Variants in LDLRAD3 observed in about 807,000 individuals in gnomAD.
LDLRAD3 encodes the protein low-density lipoprotein receptor class A domain-containing protein 3.
Under a neutral mutation model 29.4 loss-of-function variants are expected in LDLRAD3, and 20 were observed. The observed-to-expected ratio is 0.68, with a 90% confidence interval of 0.48 to 0.99. LDLRAD3 has a LOEUF of 0.99. Among genes scored for constraint, LDLRAD3 ranks in the 50% least tolerant of loss-of-function variants. The probability of loss-of-function intolerance (pLI) is 0.00; values close to 1 mark genes in which losing one functional copy is unlikely to be tolerated. For missense variants in LDLRAD3, 420 were observed against 454.3 expected (o/e 0.92, Z 0.69); for synonymous variants, 157 against 192.7 (o/e 0.81, Z 1.53).
At chr11:36,189,651 C>T (rs1040853831) in intron 4 of LDLRAD3, among the ~76,000 whole-genome samples, 1 of 151,940 alleles carries the variant, frequency 6.6e-6, no homozygotes, top group African/African-American at 2.4e-5. Flanking sequence ...CATATGTATA[C>T]ATGTGCCATG....
intron 1 of LDLRAD3, among the ~76,000 whole-genome samples, chr11:36,012,896 GA>G (rs1410927650): frequency 6.6e-6 from 1 of 152,138 alleles, no homozygotes; most frequent in East Asian, 1.9e-4. Flanking sequence ...AAGTTGAAAA[GA>G]AAAAAGTCAG....
chr11:36,167,080 T>A (rs1854526380), intron 4 of LDLRAD3, among the ~76,000 whole-genome samples: 1 of 152,198 alleles, frequency 6.6e-6, no homozygotes, highest in Non-Finnish European at 1.5e-5. Flanking sequence ...AGAATGATAT[T>A]AATTTATTTT....
Position 36,222,984 on chromosome 11 carries a change from G to T in LDLRAD3, c.455-4101G>T, listed in dbSNP as rs890339505. Among the ~76,000 whole-genome samples the T allele has an allele frequency of 2.6e-5, 4 of 152,156 alleles. No individual in the cohort carries two copies. The East Asian group carries it at 7.7e-4, about 29-fold the overall frequency. ...CAGTGGAGCACAAGGGCATTAGCTT[G>T]AGGGACAGCCAGAATAAATGGAAAC... On this transcript the variant is annotated intron_variant, in intron 4 of 5. Coordinates refer to ENST00000315571, the MANE Select transcript of LDLRAD3 (RefSeq NM_174902.4).
intron 4 of LDLRAD3, among the ~76,000 whole-genome samples, chr11:36,127,079 A>G (rs747381053): frequency 2.6e-5 from 4 of 151,898 alleles, no homozygotes; most frequent in Non-Finnish European, 4.4e-5. Flanking sequence ...GTGTTTTGAA[A>G]GAAAGACACG....
intron 4 of LDLRAD3, among the ~76,000 whole-genome samples, chr11:36,117,498 C>T (rs1853692203): frequency 6.6e-6 from 1 of 152,244 alleles, no homozygotes; most frequent in Admixed American, 6.5e-5. Flanking sequence ...ATTTCCACCA[C>T]TGTGACTCTC....
chr11:36,112,689 A>G (rs1174464757), intron 4 of LDLRAD3, among the ~76,000 whole-genome samples: 2 of 152,220 alleles, frequency 1.3e-5, no homozygotes, highest in Non-Finnish European at 2.9e-5. Context: ...TAAGCAAATC[A>G]TTCCGTAGGA....
intron 2 of LDLRAD3, among the ~76,000 whole-genome samples, chr11:36,053,829 CATTGT>C (rs1295410835): frequency 2.6e-5 from 4 of 152,168 alleles, no homozygotes; most frequent in Admixed American, 2.6e-4. Context: ...TACCTGGAAA[CATTGT>C]ATGAGCACCT....
chr11:36,177,640 G>T (rs2133354268), intron 4 of LDLRAD3, among the ~76,000 whole-genome samples: 1 of 152,342 alleles, frequency 6.6e-6, no homozygotes, highest in South Asian at 2.1e-4. Context: ...GTGCTAGGGA[G>T]TGCCTGCAGA....
chr11:36,139,103 C>T (rs1854041855), intron 4 of LDLRAD3, among the ~76,000 whole-genome samples: 1 of 152,214 alleles, frequency 6.6e-6, no homozygotes, highest in Non-Finnish European at 1.5e-5. Flanking sequence ...ACTCAGGGTT[C>T]CTTTAGCTTG....
At chr11:35,972,566 A>T (rs1181985318) in intron 1 of LDLRAD3, 1 of 152,188 alleles carries the variant, frequency 6.6e-6, no homozygotes, top group East Asian at 1.9e-4. Flanking sequence ...CTTGTGTGCT[A>T]CTTCAGAGGT....
intron 3 of LDLRAD3, among the ~76,000 whole-genome samples, chr11:36,089,082 C>T (rs576182292): frequency 6.6e-5 from 10 of 152,252 alleles, no homozygotes; most frequent in African/African-American, 1.7e-4. Flanking sequence ...CCTTAGCAAG[C>T]GACAAACATA....
intron 2 of LDLRAD3, among the ~76,000 whole-genome samples, chr11:36,045,774 C>G (rs1852441420): frequency 7.0e-6 from 1 of 143,768 alleles, no homozygotes; most frequent in Non-Finnish European, 1.5e-5. Flanking sequence ...TTTTGAGAAA[C>G]AGGTGGTTTT....
At chr11:36,138,038 T>C (rs1365780495) in intron 4 of LDLRAD3, among the ~76,000 whole-genome samples, 1 of 152,212 alleles carries the variant, frequency 6.6e-6, no homozygotes, top group Non-Finnish European at 1.5e-5. Context: ...GGCCCTTTAA[T>C]CTGTTGCATT....
chr11:36,169,421 C>G (rs1196704428), intron 4 of LDLRAD3, among the ~76,000 whole-genome samples: 1 of 152,196 alleles, frequency 6.6e-6, no homozygotes, highest in Non-Finnish European at 1.5e-5. Context: ...TACCTATTAA[C>G]CAAACTGTCT....
chr11:36,185,394 C>T (rs1854832438), intron 4 of LDLRAD3, among the ~76,000 whole-genome samples: 1 of 152,136 alleles, frequency 6.6e-6, no homozygotes, highest in South Asian at 2.1e-4. Context: ...TCTTTAGATG[C>T]TGAGAATTTA....
intron 4 of LDLRAD3, among the ~76,000 whole-genome samples, chr11:36,133,547 C>CT (rs67935336): frequency 0.22 from 25,756 of 119,770 alleles, 3,119 homozygotes; most frequent in Middle Eastern, 0.31. Flanking sequence ...TTTTTCTTTT[C>CT]TTTTTTTTTT....
chr11:35,995,031 C>T (rs573139416), intron 1 of LDLRAD3, among the ~76,000 whole-genome samples: 98 of 152,308 alleles, frequency 6.4e-4, no homozygotes, highest in Middle Eastern at 3.4e-3. Context: ...AATCAGTTTC[C>T]TCCAAACTCC....
intron 4 of LDLRAD3, among the ~76,000 whole-genome samples, chr11:36,172,190 T>G (rs574598741): frequency 6.6e-6 from 1 of 152,246 alleles, no homozygotes; most frequent in South Asian, 2.1e-4. Flanking sequence ...CCTGAAACTT[T>G]ACTGAATTTA....
intron 3 of LDLRAD3, among the ~76,000 whole-genome samples, chr11:36,094,523 C>A (rs922897798): frequency 1.3e-5 from 2 of 152,146 alleles, no homozygotes; most frequent in African/African-American, 4.8e-5. Flanking sequence ...TATAAGTAAA[C>A]ATTTGAGCCT....
Sources: gnomAD v4.1 joint callset for allele counts (sites outside exome capture counted in the v4.1 genomes callset) on GRCh38, gnomAD v4.1.1 for gene constraint, MANE v1.5 for transcripts, NCBI Gene and HGNC (gene_info 2026-07-23, HGNC 2026-07-21) for gene names.